The following ABCA9 variants were observed in gnomAD, a reference collection of about 807,000 sequenced individuals.
The protein encoded by ABCA9 is ATP binding cassette subfamily A member 9, also known as ATP-binding cassette sub-family A member 9.
Under a neutral mutation model 205.3 loss-of-function variants are expected in ABCA9, and 183 were observed. The observed-to-expected ratio is 0.89, with a 90% CI of 0.79 to 1.01. The LOEUF (loss-of-function observed/expected upper bound fraction) is 1.01. ABCA9 is among the 50% of genes least tolerant of loss of function. ABCA9 has a pLI of 0.00. For synonymous variants in ABCA9, 651 were observed against 683.3 expected (o/e 0.95, Z 0.74); for missense variants, 1,805 against 1,912.4 (o/e 0.94, Z 1.05).
At chr17:69,014,916 A>T (rs940903930) in intron 22 of ABCA9, among the ~76,000 whole-genome samples, 1 of 152,124 alleles carries the variant, frequency 6.6e-6, no homozygotes, top group Non-Finnish European at 1.5e-5. Flanking sequence ...TCACCTACAG[A>T]AGGGTCTGGG....
intron 31 of ABCA9, among the ~76,000 whole-genome samples, chr17:68,987,738 T>TTTTTTTTGTTTGTTTGTTTGTTTGTTTG (rs2069283036): frequency 7.2e-6 from 1 of 137,992 alleles, no homozygotes; most frequent in African/African-American, 2.9e-5. Flanking sequence ...TCATTTGCGT[T>TTTTTTTTGTTTGTTTGTTTGTTTGTTTG]TTTTTTTGTT....
At chr17:69,012,824 T>C (rs8070357) in intron 22 of ABCA9, among the ~76,000 whole-genome samples, 106,661 of 152,002 alleles carry the variant, frequency 0.7, 37,888 homozygotes, top group Middle Eastern at 0.77. Flanking sequence ...AAATACTAGG[T>C]CTTATTCATT....
upstream of ABCA9, among the ~76,000 whole-genome samples, chr17:69,061,939 C>G (rs2144564155): frequency 6.6e-6 from 1 of 152,258 alleles, no homozygotes; most frequent in Non-Finnish European, 1.5e-5. Flanking sequence ...ACAATAAATG[C>G]ATGCAATTCT....
chr17:69,043,514 T>C lies in ABCA9; in HGVS notation c.775A>G (p.Met259Val). 2 of 1,603,404 alleles carry C rather than the reference T, an allele frequency of 1.2e-6. No homozygotes were observed. The highest frequency in any genetic ancestry group is 1.7e-6 in the Non-Finnish European group (2 of 1,174,518). The change falls in exon 6 of 39, where the codon ATG becomes GTG. Residue 259 changes from methionine to valine, a missense_variant. Physicochemically the swap from Met to Val is conservative, Grantham distance 21. Coordinates refer to ENST00000340001, the MANE Select transcript of ABCA9 (RefSeq NM_080283.4). ...CAGAATGCTGACTCTCGGAGTCCCA[T>C]CATTGTCATCAATGACGTAATGTAT... ...RQYITSLMTM[M>V]GLRESAFWLS...
chr17:69,035,919 T>C (rs1297199767), intron 6 of ABCA9, 118 bp from the exon 7 acceptor site: 1 of 1,254,192 alleles, frequency 8.0e-7, no homozygotes, highest in Non-Finnish European at 1.1e-6. Context: ...GAAAAGAAAA[T>C]GCAATAGCTA....
the ABCA9 span, among the ~76,000 whole-genome samples, chr17:69,077,039 T>C: frequency 6.6e-6 from 1 of 152,282 alleles, no homozygotes; most frequent in African/African-American, 2.4e-5. Flanking sequence ...TAGTTATTTC[T>C]TTTCTTCTGC....
At chr17:69,067,575 AG>A in the ABCA9 span, among the ~76,000 whole-genome samples, 1 of 147,646 alleles carries the variant, frequency 6.8e-6, no homozygotes, top group Admixed American at 6.8e-5. Context: ...AAAAAAAAAA[AG>A]AAAGAGAGAG....
intron 25 of ABCA9, among the ~76,000 whole-genome samples, chr17:69,002,090 T>A (rs2069897283): frequency 6.6e-6 from 1 of 150,950 alleles, no homozygotes; most frequent in Non-Finnish European, 1.5e-5. Context: ...ATTAATTTTT[T>A]GAAGGGTTTT....
chr17:68,997,176 C>G (rs1421173085), intron 25 of ABCA9, among the ~76,000 whole-genome samples: 2 of 152,222 alleles, frequency 1.3e-5, no homozygotes, highest in African/African-American at 2.4e-5. Flanking sequence ...GGTGATCCAC[C>G]CACCTCGGCC....
At chr17:69,028,736 A>G in intron 11 of ABCA9, 91 bp from the exon 12 acceptor site, 1 of 629,258 alleles carries the variant, frequency 1.6e-6, no homozygotes, top group Non-Finnish European at 2.6e-6. Context: ...GCATGAATAG[A>G]TTGAGCTAGC....
At chr17:69,049,959 G>GA (rs1004329995) in intron 2 of ABCA9, among the ~76,000 whole-genome samples, 3 of 151,944 alleles carry the variant, frequency 2.0e-5, no homozygotes, top group African/African-American at 7.2e-5. Flanking sequence ...AAGTTTTTTT[G>GA]AATGTGGTCA....
intron 9 of ABCA9, 143 bp from the exon 10 acceptor site, chr17:69,032,419 T>G: frequency 1.4e-6 from 1 of 724,084 alleles, no homozygotes; most frequent in Non-Finnish European, 2.2e-6. Context: ...TTAATGTGCT[T>G]TTGACACACA....
chr17:69,028,664 A>T lies in ABCA9; in HGVS notation c.1505-19T>A. 1 of 1,470,834 alleles carries T rather than the reference A, an allele frequency of 6.8e-7. No individual in the cohort carries two copies. The highest frequency in any genetic ancestry group is 9.3e-7 in the Non-Finnish European group (1 of 1,080,954). The allele number at this position is 1,470,834 out of a possible 1,614,324, so 91.1% of individuals were successfully genotyped here. On this transcript the variant is annotated intron_variant, in intron 11 of 38. Transcript: ENST00000340001. ...ACCACACCTGGCATGATTTTAAAAA[A>T]AATTACACTCAGAGCCTACATATTA...
intron 1 of ABCA9, among the ~76,000 whole-genome samples, chr17:69,052,114 T>C (rs2071922218): frequency 1.3e-5 from 2 of 152,202 alleles, no homozygotes; most frequent in Non-Finnish European, 2.9e-5. Flanking sequence ...CTCATGCCTG[T>C]AATCCCAGCA....
At chr17:69,048,740 T>C (rs2071802503) in intron 3 of ABCA9, among the ~76,000 whole-genome samples, 1 of 152,208 alleles carries the variant, frequency 6.6e-6, no homozygotes, top group African/African-American at 2.4e-5. Flanking sequence ...TTCTGGTGGG[T>C]AATTATGAAC....
At position 68,984,923 on chromosome 17, in the gene ABCA9, C is replaced by A. The variant is rs765874813; in HGVS notation, c.4341G>T (p.Pro1447=). The change falls in exon 34 of 39, where the codon CCG becomes CCT. Residue 1447 remains proline (P), a synonymous_variant. Coordinates refer to ENST00000340001, the MANE Select transcript of ABCA9 (RefSeq NM_080283.4). ...GCCCCTCGGGGTCCATCCCGGTCGA[C>A]GGCTCATCCAGAAGCACCACTGACG... ...GNPSVVLLDE[P]STGMDPEGQQ... 6 of 1,614,048 alleles carry A rather than the reference C, an allele frequency of 3.7e-6. No individual in the cohort carries two copies.
chr17:69,000,380 G>T (rs1307272132), intron 25 of ABCA9, among the ~76,000 whole-genome samples: 2 of 151,826 alleles, frequency 1.3e-5, no homozygotes, highest in Non-Finnish European at 2.9e-5. Context: ...TTATTAAATA[G>T]GGAATCCTTT....
chr17:69,015,861 G>T (rs1219283773), intron 22 of ABCA9, among the ~76,000 whole-genome samples: 1 of 152,028 alleles, frequency 6.6e-6, no homozygotes, highest in African/African-American at 2.4e-5. Context: ...TAGGGCCACA[G>T]ATGGTGACAG....
At position 69,034,131 on chromosome 17, in the gene ABCA9, T is replaced by A. The variant is rs7212716; in HGVS notation, c.1129-258A>T. ...CCCAGGTACATTTTCTAGGAGGAAG[T>A]ACAAACTCAAGAAAGGTGATATTTG... On this transcript the variant is annotated intron_variant, in intron 8 of 38. Coordinates refer to ENST00000340001, the MANE Select transcript of ABCA9 (RefSeq NM_080283.4). 8.6e-3 allele frequency among the ~76,000 whole-genome samples: 1,309 copies of A among 152,312 alleles called. 29 individuals are homozygous for A. Among genetic ancestry groups the A allele is most frequent in the African/African-American group, 0.03 (1,251 of 41,572 alleles).
Sources: gnomAD v4.1 joint callset for allele counts (sites outside exome capture counted in the v4.1 genomes callset) on GRCh38, gnomAD v4.1.1 for gene constraint, MANE v1.5 for transcripts, NCBI Gene and HGNC (gene_info 2026-07-23, HGNC 2026-07-21) for gene names.